The following NHSL3 variants were observed in gnomAD, a reference collection of about 807,000 sequenced individuals.
The protein encoded by NHSL3 is NHS like 3, also known as NHS-like protein 3.
the NHSL3 span, among the ~76,000 whole-genome samples, chr1:32,754,936 C>T: frequency 1.3e-5 from 2 of 152,004 alleles, no homozygotes; most frequent in East Asian, 1.9e-4. Context: ...CCCCCTCCCC[C>T]GTCCCCACGG....
At chr1:32,742,221 G>T in the NHSL3 span, 26 of 1,241,952 alleles carry the variant, frequency 2.1e-5, no homozygotes, top group Non-Finnish European at 2.6e-5. Context: ...CTGAGCGCGG[G>T]GGGGCGTCGA....
At chr1:32,770,481 T>C in the NHSL3 span, 1 of 1,581,140 alleles carries the variant, frequency 6.3e-7, no homozygotes, top group African/African-American at 1.3e-5. The surrounding 1 kb of genome is among the most constrained non-coding windows in gnomAD (Gnocchi z 8.3). Context: ...CCCTCTCCTC[T>C]AAGGGTGGCT....
chr1:32,765,030 CA>C, the NHSL3 span, among the ~76,000 whole-genome samples: 1 of 152,222 alleles, frequency 6.6e-6, no homozygotes, highest in African/African-American at 2.4e-5. Context: ...CTAGCCTCTG[CA>C]AGATTAAGTG....
chr1:32,756,470 A>ACCCCCCCCCCCCCC, the NHSL3 span, among the ~76,000 whole-genome samples: 1 of 50,490 alleles, frequency 2.0e-5, no homozygotes, highest in Non-Finnish European at 3.5e-5. Flanking sequence ...ACATGACGAG[A>ACCCCCCCCCCCCCC]CCCCCCCCCC....
At chr1:32,745,870 T>C in the NHSL3 span, among the ~76,000 whole-genome samples, 61 of 151,984 alleles carry the variant, frequency 4.0e-4, no homozygotes, top group Non-Finnish European at 1.5e-4. Flanking sequence ...ATGATGATTA[T>C]TGAGGGGGAT....
chr1:32,771,800 TAGGTGC>T, the NHSL3 span: 1 of 1,613,126 alleles, frequency 6.2e-7, no homozygotes, highest in Non-Finnish European at 8.5e-7. Context: ...AGGGAGGACG[TAGGTGC>T]GCCCCTGGTC....
chr1:32,760,940 C>T, the NHSL3 span, among the ~76,000 whole-genome samples: 3 of 152,128 alleles, frequency 2.0e-5, no homozygotes, highest in East Asian at 1.9e-4. Context: ...CCCAGTGGGA[C>T]GCTGCCTGCT....
chr1:32,750,082 G>A, the NHSL3 span, among the ~76,000 whole-genome samples: 1 of 152,216 alleles, frequency 6.6e-6, no homozygotes, highest in Admixed American at 6.5e-5. Flanking sequence ...AGTGAACATG[G>A]TGGGGTTGGA....
chr1:32,765,770 A>G, the NHSL3 span: 33 of 1,547,744 alleles, frequency 2.1e-5, 1 homozygote, highest in Non-Finnish European at 2.8e-5. Flanking sequence ...GCCCGCAGTC[A>G]TGGTGGTGTT....
At chr1:32,769,960 G>T in the NHSL3 span, 1 of 1,607,114 alleles carries the variant, frequency 6.2e-7, no homozygotes, top group South Asian at 1.1e-5. Context: ...CACAGTGGAC[G>T]GCCGCCCCCG....
the NHSL3 span, chr1:32,772,024 A>G: frequency 1.9e-6 from 3 of 1,604,602 alleles, no homozygotes. Flanking sequence ...AGGCCTCTCA[A>G]GTGCTCAGCC....
At chr1:32,771,622 C>CCGGCTG in the NHSL3 span, 19 of 1,613,170 alleles carry the variant, frequency 1.2e-5, no homozygotes, top group South Asian at 2.1e-4. Flanking sequence ...TGTCAGCTCC[C>CCGGCTG]CGGCTGCTTC....
the NHSL3 span, among the ~76,000 whole-genome samples, chr1:32,763,454 C>T: frequency 6.6e-6 from 1 of 152,220 alleles, no homozygotes. Flanking sequence ...CCACTCCTGC[C>T]TCAAGGCCTT....
chr1:32,774,845 T>G, the NHSL3 span: 1 of 152,532 alleles, frequency 6.6e-6, no homozygotes, highest in Non-Finnish European at 1.5e-5. Flanking sequence ...TACATATATA[T>G]ATTTCTTTAA....
the NHSL3 span, among the ~76,000 whole-genome samples, chr1:32,762,978 ATTTT>A: frequency 1.6e-5 from 2 of 126,158 alleles, no homozygotes; most frequent in South Asian, 2.5e-4. Flanking sequence ...CTAGCCTGGA[ATTTT>A]TTTTTTTTTT....
chr1:32,746,002 G>T, the NHSL3 span, among the ~76,000 whole-genome samples: 1 of 151,850 alleles, frequency 6.6e-6, no homozygotes, highest in Non-Finnish European at 1.5e-5. Context: ...AGGCTGAGGC[G>T]GGCGGATCAC....
chr1:32,763,100 C>T, the NHSL3 span, among the ~76,000 whole-genome samples: 23 of 151,942 alleles, frequency 1.5e-4, no homozygotes, highest in Admixed American at 4.6e-4. Flanking sequence ...CTCACCTCTG[C>T]CTCCTGAGTA....
At chr1:32,758,136 G>A in the NHSL3 span, among the ~76,000 whole-genome samples, 12,586 of 152,194 alleles carry the variant, frequency 0.083, 577 homozygotes, top group South Asian at 0.12. Flanking sequence ...GTAACCTGCC[G>A]GGATTGTTTG....
chr1:32,760,365 A>G, the NHSL3 span, among the ~76,000 whole-genome samples: 2 of 152,126 alleles, frequency 1.3e-5, no homozygotes, highest in Non-Finnish European at 2.9e-5. Flanking sequence ...GGATGTTGCC[A>G]AGACAGTGCG....
Sources: gnomAD v4.1 joint callset for allele counts (sites outside exome capture counted in the v4.1 genomes callset) on GRCh38, gnomAD v4.1.1 for gene constraint, Gnocchi (gnomAD v3.1) non-coding constraint, MANE v1.5 for transcripts, NCBI Gene and HGNC (gene_info 2026-07-23, HGNC 2026-07-21) for gene names.